PLG: variants seen among roughly 807,000 people sequenced by gnomAD.
PLG encodes plasmin.
In PLG, 41 loss-of-function variants were observed where a neutral mutation model predicts 104.4. That is an observed-to-expected ratio of 0.39 (90% CI 0.31 to 0.51). The LOEUF (loss-of-function observed/expected upper bound fraction) is 0.51, where lower values mean the gene tolerates loss of function less well. Among genes scored for constraint, PLG ranks in the 20% least tolerant of loss-of-function variants. The pLI is 0.76. For missense variants in PLG, 891 were observed against 1,003.6 expected (o/e 0.89, Z 1.52); for synonymous variants, 337 against 357.1 (o/e 0.94, Z 0.63).
In PLG at chr6:160,738,393, C is replaced by T. The variant is rs183678628; in HGVS notation, c.1803-145C>T. The T allele has an allele frequency of 2.8e-3, 1,959 of 693,864 alleles. 12 individuals are homozygous for T. Among genetic ancestry groups the T allele is most frequent in the South Asian group, 8.8e-3 (573 of 65,312 alleles). 43.0% of individuals were successfully genotyped at this position (693,864 alleles called of 1,614,324 possible). A position where few individuals can be genotyped will look rare whatever the true frequency, so the allele number is the denominator to read the frequency against. On this transcript the variant is annotated intron_variant, in intron 14 of 18. Transcript: ENST00000308192. This position sits in a 1 kb window ranked among gnomAD's most constrained non-coding sequence, Gnocchi z 6.8. ...CCTGGAGCACTGGCCAAAATTACTACCATCCTGATGCTGGGCTTGCAGTCC... is the reference window on the plus strand; with the variant it reads ...CCTGGAGCACTGGCCAAAATTACTATCATCCTGATGCTGGGCTTGCAGTCC...
chr6:160,748,374 A>AGAGAGAG (rs1778320766), intron 17 of PLG, among the ~76,000 whole-genome samples: 1 of 55,298 alleles, frequency 1.8e-5, no homozygotes, highest in Non-Finnish European at 3.5e-5. Flanking sequence ...GAAAGAAAGA[A>AGAGAGAG]AGAAAGAAAG....
chr6:160,738,921 C>T lies in PLG; in HGVS notation c.1878-147C>T, dbSNP rs562388423. The stretch of plus-strand genomic sequence containing the variant: ...ACATTCCTTAACTGCCTGTTTCAAG[C>T]AAATCATGAATTTTGCTTCTTGCCA... On this transcript the variant is annotated intron_variant, in intron 15 of 18. Coordinates refer to ENST00000308192, the MANE Select transcript of PLG (RefSeq NM_000301.5). The surrounding 1 kb of genome is among the most constrained non-coding windows in gnomAD (Gnocchi z 6.8). The T allele has an allele frequency of 2.2e-6, 2 of 920,220 alleles. No individual in the cohort carries two copies. The highest frequency in any genetic ancestry group is 3.7e-5 in the Admixed American group (2 of 54,260). 57.0% of individuals were successfully genotyped at this position (920,220 alleles called of 1,614,324 possible).
chr6:160,716,990 T>A (rs137892829), intron 7 of PLG, among the ~76,000 whole-genome samples: 1 of 152,238 alleles, frequency 6.6e-6, no homozygotes, highest in Non-Finnish European at 1.5e-5. Flanking sequence ...TCTTTGCAAC[T>A]GAAACTTCTG....
chr6:160,727,526 A>G (rs1285153554), intron 10 of PLG, among the ~76,000 whole-genome samples: 1 of 151,784 alleles, frequency 6.6e-6, no homozygotes, highest in African/African-American at 2.4e-5. Context: ...ATGTATTGTG[A>G]ACATAAATAT....
Position 160,736,402 on chromosome 6 carries a change from C to T in PLG, c.1682-485C>T, listed in dbSNP as rs1033296659. Among the ~76,000 whole-genome samples, 1 of 151,996 alleles carries T rather than the reference C, an allele frequency of 6.6e-6. No homozygotes were observed. The highest frequency in any genetic ancestry group is 1.5e-5 in the Non-Finnish European group (1 of 68,028). The stretch of plus-strand genomic sequence containing the variant: ...ACAATCACATACACACACACACACA[C>T]GTGCACACACAGAGACTCACATGGA... On this transcript the variant is annotated intron_variant, in intron 13 of 18. Coordinates refer to ENST00000308192, the MANE Select transcript of PLG (RefSeq NM_000301.5). This position sits in a 1 kb window ranked among gnomAD's most constrained non-coding sequence, Gnocchi z 5.2.
At chr6:160,721,499 A>G (rs968940175) in intron 9 of PLG, among the ~76,000 whole-genome samples, 66 of 152,202 alleles carry the variant, frequency 4.3e-4, no homozygotes, top group African/African-American at 1.5e-3. Flanking sequence ...TGCTGCTGCT[A>G]TCTTTTACTT....
chr6:160,713,575 A>G (rs1777681664), intron 5 of PLG, among the ~76,000 whole-genome samples: 1 of 152,170 alleles, frequency 6.6e-6, no homozygotes, highest in African/African-American at 2.4e-5. Context: ...AGCAGACCTG[A>G]ATTATTTTTA....
chr6:160,748,529 G>A (rs958130752), intron 17 of PLG, among the ~76,000 whole-genome samples: 2 of 151,820 alleles, frequency 1.3e-5, no homozygotes, highest in Non-Finnish European at 2.9e-5. Flanking sequence ...CTGAAATGTG[G>A]GCTGCAGGGC....
At chr6:160,746,003 A>G (rs1490801809) in intron 17 of PLG, among the ~76,000 whole-genome samples, 1 of 152,164 alleles carries the variant, frequency 6.6e-6, no homozygotes, top group Non-Finnish European at 1.5e-5. Flanking sequence ...ATGCTGTTAG[A>G]TTGATGGGGT....
chr6:160,737,659 C>T lies in PLG; in HGVS notation c.1802+652C>T, dbSNP rs937973826. Among the ~76,000 whole-genome samples, 1 of 152,328 alleles carries T rather than the reference C, an allele frequency of 6.6e-6. No individual in the cohort carries two copies. The highest frequency in any genetic ancestry group is 3.4e-3 in the Middle Eastern group (1 of 294). ...AAGCAAGCATAGGAAACAGGCCCAT[C>T]CGTCTGCCTGTTTTGCTTCCTCATC... On this transcript the variant is annotated intron_variant, in intron 14 of 18. Transcript: ENST00000308192. The surrounding 1 kb of genome is among the most constrained non-coding windows in gnomAD (Gnocchi z 4.7).
At chr6:160,722,885 A>G (rs2115167502) in intron 10 of PLG, among the ~76,000 whole-genome samples, 1 of 152,254 alleles carries the variant, frequency 6.6e-6, no homozygotes, top group African/African-American at 2.4e-5. Flanking sequence ...CCCACTAAAT[A>G]TCAGTGCAAT....
intron 1 of PLG, among the ~76,000 whole-genome samples, chr6:160,704,830 C>T (rs1294479102): frequency 6.6e-6 from 1 of 152,192 alleles, no homozygotes; most frequent in Non-Finnish European, 1.5e-5. Context: ...CCCTGTCCTG[C>T]CCCTTGTGCT....
At chr6:160,743,102 G>C (rs1245713531) in intron 17 of PLG, among the ~76,000 whole-genome samples, 2 of 150,854 alleles carry the variant, frequency 1.3e-5, no homozygotes, top group Non-Finnish European at 2.9e-5. Flanking sequence ...GATGTCTCCA[G>C]CTTTGTTCTT....
rs1582949147 is a variant in PLG, at chr6:160,740,846, A to C, written c.2019-465A>C. On this transcript the variant is annotated intron_variant, in intron 16 of 18. Coordinates refer to ENST00000308192, the MANE Select transcript of PLG (RefSeq NM_000301.5). The surrounding 1 kb of genome is among the most constrained non-coding windows in gnomAD (Gnocchi z 5.2). Reference sequence around the variant, plus strand: ...TTACAACTATGGCGTAGTAACATTCACTGAGGAGGAAATGGAGGATCCAAG... The same window carrying C: ...TTACAACTATGGCGTAGTAACATTCCCTGAGGAGGAAATGGAGGATCCAAG... 6.6e-6 allele frequency among the ~76,000 whole-genome samples: 1 copy of C among 152,304 alleles called. No homozygotes were observed. The highest frequency in any genetic ancestry group is 1.9e-4 in the East Asian group (1 of 5,182).
chr6:160,750,571 A>T (rs1430109830), intron 17 of PLG, among the ~76,000 whole-genome samples: 1 of 152,238 alleles, frequency 6.6e-6, no homozygotes, highest in East Asian at 1.9e-4. Context: ...AATGCTTGGT[A>T]GTCAAGAGGA....
chr6:160,751,999 G>C, intron 17 of PLG, 116 bp from the exon 18 acceptor site: 2 of 860,894 alleles, frequency 2.3e-6, no homozygotes, highest in South Asian at 2.7e-5. Context: ...ATTGGGAGCT[G>C]CCTCGTGTTC....
chr6:160,708,477 G>A (rs1777573403), intron 3 of PLG: 1 of 152,428 alleles, frequency 6.6e-6, no homozygotes, highest in Non-Finnish European at 1.5e-5. Context: ...GTTTCATTAA[G>A]CATTTCCCAT....
chr6:160,724,111 C>T lies in PLG; in HGVS notation c.1256+1544C>T, dbSNP rs1334897350. ...TTACCAGACATACAAAAAGCATTTA[C>T]TGTGATCCATAACCAGGAGAAAAAG... is the stretch of plus-strand genomic sequence containing the variant. On this transcript the variant is annotated intron_variant, in intron 10 of 18. Transcript: ENST00000308192. The surrounding 1 kb of genome is among the most constrained non-coding windows in gnomAD (Gnocchi z 5.0). 6.6e-6 allele frequency among the ~76,000 whole-genome samples: 1 copy of T among 152,162 alleles called. No individual in the cohort carries two copies. Among genetic ancestry groups the T allele is most frequent in the Non-Finnish European group, 1.5e-5 (1 of 68,036 alleles).
intron 1 of PLG, among the ~76,000 whole-genome samples, chr6:160,702,679 C>T (rs1777440879): frequency 6.6e-6 from 1 of 152,200 alleles, no homozygotes; most frequent in African/African-American, 2.4e-5. Context: ...TTGCCTGGTT[C>T]TCAGTTTGAC....
Sources: gnomAD v4.1 joint callset for allele counts (sites outside exome capture counted in the v4.1 genomes callset) on GRCh38, gnomAD v4.1.1 for gene constraint, Gnocchi (gnomAD v3.1) non-coding constraint, MANE v1.5 for transcripts, NCBI Gene and HGNC (gene_info 2026-07-23, HGNC 2026-07-21) for gene names.